PPP1R10: variants seen among roughly 807,000 people sequenced by gnomAD.
The protein encoded by PPP1R10 is protein phosphatase 1 regulatory subunit 10.
PPP1R10 carries 15 observed loss-of-function variants against 99.0 expected under a neutral mutation model. The ratio of observed to expected loss-of-function variants is 0.15; its 90% CI spans 0.10 to 0.23. The LOEUF is 0.23. Ranked by LOEUF, PPP1R10 falls within the 10% of genes least tolerant of loss-of-function variation. The pLI is 1.00. For synonymous variants in PPP1R10, 430 were observed against 449.5 expected, an observed-to-expected ratio of 0.96 and a Z score of 0.55; for missense variants, 947 against 1,259.4, an observed-to-expected ratio of 0.75 and a Z score of 3.75.
intron 17 of PPP1R10, 67 bp from the exon 18 acceptor site, chr6:30,603,026 G>A: frequency 1.4e-6 from 2 of 1,439,858 alleles, no homozygotes; most frequent in South Asian, 2.7e-5. Context: ...TCCCATTTAG[G>A]TGCAACCAAC....
chr6:30,603,704 A>G, intron 15 of PPP1R10, 38 bp from the exon 16 acceptor site: 2 of 1,558,684 alleles, frequency 1.3e-6, no homozygotes, highest in Non-Finnish European at 1.7e-6. Context: ...TTGACAGAAC[A>G]GAGACATTCT....
At position 30,609,770 on chromosome 6, in the gene PPP1R10, A is replaced by G; in HGVS notation, c.107+68T>C. On this transcript the variant is annotated intron_variant, in intron 3 of 19. Transcript: ENST00000376511. This position sits in a 1 kb window ranked among gnomAD's most constrained non-coding sequence, Gnocchi z 4.5. Reference sequence around the variant, plus strand: ...TCCAGGATCATTCCAGTGTGCCTCAACTGCAGCCATGTTTTAACACACAAT... The same window carrying G: ...TCCAGGATCATTCCAGTGTGCCTCAGCTGCAGCCATGTTTTAACACACAAT... 1 of 1,369,670 alleles carries G rather than the reference A, an allele frequency of 7.3e-7. No homozygotes were observed. Among genetic ancestry groups the G allele is most frequent in the South Asian group, 1.2e-5 (1 of 85,860 alleles). 84.8% of individuals were successfully genotyped at this position (1,369,670 alleles called of 1,614,324 possible).
chr6:30,601,824 A>G, intron 19 of PPP1R10, 112 bp downstream of exon 19: 1 of 1,373,856 alleles, frequency 7.3e-7, no homozygotes, highest in Non-Finnish European at 9.7e-7. Context: ...GACATCAAAG[A>G]GACGGGTACC....
In PPP1R10 at chr6:30,602,712, G is replaced by A. The variant is rs984153423; in HGVS notation, c.1958-21C>T. 1 of 1,603,502 alleles carries A rather than the reference G, an allele frequency of 6.2e-7. No homozygotes were observed. The highest frequency in any genetic ancestry group is 1.1e-5 in the South Asian group (1 of 89,754). On this transcript the variant is annotated intron_variant, in intron 18 of 19. Coordinates refer to ENST00000376511, the MANE Select transcript of PPP1R10 (RefSeq NM_002714.4). This position sits in a 1 kb window ranked among gnomAD's most constrained non-coding sequence, Gnocchi z 6.7. ...GGGACCTGTAAGGGGACAAAAAAGA[G>A]AGACAGTATCAGCTACCAGGAACTG...
In PPP1R10 at chr6:30,602,836, C is replaced by T. The variant is rs963703437; in HGVS notation, c.1957+10G>A. 3.2e-6 allele frequency: 5 copies of T among 1,552,278 alleles called. No individual in the cohort carries two copies. The highest frequency in any genetic ancestry group is 2.0e-5 in the Admixed American group (1 of 51,188). ...GATAAGCCCATTCCAACCTTTTACT[C>T]ACCACCTACCTGGCATAGGTCCCCC... On this transcript the variant is annotated intron_variant, in intron 18 of 19. Transcript: ENST00000376511. The surrounding 1 kb of genome is among the most constrained non-coding windows in gnomAD (Gnocchi z 6.7).
rs781146235 is a variant in PPP1R10, at chr6:30,609,817, C to G, written c.107+21G>C. The G allele has an allele frequency of 6.3e-7, 1 of 1,584,938 alleles. No individual in the cohort carries two copies. Among genetic ancestry groups the G allele is most frequent in the African/African-American group, 1.3e-5 (1 of 74,402 alleles). ...CAATATTCTCTACTCACAGTGAATA[C>G]AAAAAGGGGTAAAGACTCACCTGAA... On this transcript the variant is annotated intron_variant, in intron 3 of 19. Coordinates refer to ENST00000376511, the MANE Select transcript of PPP1R10 (RefSeq NM_002714.4). The surrounding 1 kb of genome is among the most constrained non-coding windows in gnomAD (Gnocchi z 4.5).
At position 30,603,519 on chromosome 6, in the gene PPP1R10, G is replaced by T; in HGVS notation, c.1720C>A (p.Pro574Thr). Residue 574 changes from proline (P) to threonine (T), a missense_variant, in exon 16 of 20, where the codon CCT becomes ACT. Transcript: ENST00000376511. Reference sequence around the variant, plus strand: ...TGGACATTAATGCCTCCTCCTCCAGGGCCTTGGGGGCCCTTTCCAGCACCC... The same window carrying T: ...TGGACATTAATGCCTCCTCCTCCAGTGCCTTGGGGGCCCTTTCCAGCACCC... ...SMGAGKGPQG[P>T]GGGGINVQEI... 1 of 1,613,300 alleles carries T rather than the reference G, an allele frequency of 6.2e-7. No homozygotes were observed. The highest frequency in any genetic ancestry group is 8.5e-7 in the Non-Finnish European group (1 of 1,179,710).
rs145677226 is a variant in PPP1R10, at chr6:30,606,229, T to C, written c.649A>G (p.Thr217Ala). The change falls in exon 9 of 20, where the codon ACA (threonine) becomes GCA (alanine). Residue 217 changes from threonine (T) to alanine (A), a missense_variant. By Grantham distance (58) the Thr-to-Ala change is moderately conservative (BLOSUM62 0). Around this residue, in one of 10 missense-constraint regions of PPP1R10, gnomAD observed 92 missense variants for 159.2 expected, o/e 0.58. Transcript: ENST00000376511. The surrounding 1 kb of genome is among the most constrained non-coding windows in gnomAD (Gnocchi z 6.3). ...TTCTTCACAGGCACCAAGGATGGTG[T>C]CTCCAGCTCTAGTCCTGGGGAAAGA... is the stretch of plus-strand genomic sequence containing the variant. ...KFRSTGLELE[T>A]PSLVPVKKNA... The C allele has an allele frequency of 2.9e-4, 460 of 1,614,014 alleles. 3 individuals are homozygous for C. The East Asian group carries it at 0.01, about 35-fold the overall frequency.
chr6:30,613,356 C>T (rs1804747506), intron 2 of PPP1R10, among the ~76,000 whole-genome samples: 1 of 152,092 alleles, frequency 6.6e-6, no homozygotes, highest in Non-Finnish European at 1.5e-5. Context: ...GAAAAAAGTC[C>T]CAAATTTACC....
At chr6:30,616,288 G>A (rs1288583788) in intron 2 of PPP1R10, among the ~76,000 whole-genome samples, 190 bp downstream of exon 2, 3 of 152,242 alleles carry the variant, frequency 2.0e-5, no homozygotes, top group Non-Finnish European at 4.4e-5. Context: ...GAGATAGGTG[G>A]TAGGGGAGAG....
chr6:30,601,687 C>T (rs1394862980), intron 19 of PPP1R10, 29 bp from the exon 20 acceptor site: 4 of 1,595,564 alleles, frequency 2.5e-6, no homozygotes, highest in Non-Finnish European at 3.4e-6. Flanking sequence ...AACAGTTAGA[C>T]AGGAAATAGC....
rs1369797476 is a variant in PPP1R10 at position 30,603,243 on chromosome 6, G to A, written c.1810C>T (p.Pro604Ser). 2.5e-6 allele frequency: 4 copies of A among 1,613,908 alleles called. No individual in the cohort carries two copies. Among genetic ancestry groups the A allele is most frequent in the South Asian group, 1.1e-5 (1 of 91,070 alleles). ...SHPSEELLKQ[P>S]DYSDKIKQML... ...TGCTTGATCTTGTCCGAATAGTCTG[G>A]TTGTTTCAGTAGTTCCTCTGAAGGA... is the stretch of plus-strand genomic sequence containing the variant. The change falls in exon 17 of 20, where the codon CCA (proline) becomes TCA (serine). Residue 604 changes from proline (P) to serine (S), a missense_variant. Physicochemically the swap from Pro to Ser is moderately conservative, Grantham distance 74 (BLOSUM62 -1). Transcript: ENST00000376511.
rs369789707 is a variant in PPP1R10 at position 30,605,168 on chromosome 6, G to A, written c.854-74C>T. 2.3e-3 allele frequency: 3,143 copies of A among 1,369,770 alleles called. 19 individuals are homozygous for A. The highest frequency in any genetic ancestry group is 0.013 in the Middle Eastern group (69 of 5,462). The allele number at this position is 1,369,770 out of a possible 1,614,324, so 84.9% of individuals were successfully genotyped here. A position where few individuals can be genotyped will look rare whatever the true frequency, so the allele number is the denominator to read the frequency against. ...TCCTACACCTGCAAACACAGTCCAG[G>A]CATAAAATGAGCCAGTGAAGACCCT... On this transcript the variant is annotated intron_variant, in intron 10 of 19. Coordinates refer to ENST00000376511, the MANE Select transcript of PPP1R10 (RefSeq NM_002714.4).
intron 5 of PPP1R10, among the ~76,000 whole-genome samples, chr6:30,608,458 T>C (rs1379026924): frequency 6.6e-6 from 1 of 152,030 alleles, no homozygotes; most frequent in Non-Finnish European, 1.5e-5. Context: ...CATGCCACCA[T>C]GCCTGGCTAA....
intron 14 of PPP1R10, 77 bp downstream of exon 14, chr6:30,603,931 G>A (rs941476527): frequency 6.6e-6 from 10 of 1,522,646 alleles, no homozygotes; most frequent in Admixed American, 2.2e-5. Flanking sequence ...CCTCCACCCC[G>A]TAATTACCCC....
rs1299419579 is a variant in PPP1R10 at position 30,601,271 on chromosome 6, G to A, written c.*278C>T. ...ATACTGGAAAGGGGTTTGGGGTACA[G>A]GGCGAATCTTCTCAAAAAGTGAAGC... On this transcript the variant is annotated 3_prime_UTR_variant, in exon 20 of 20. Transcript: ENST00000376511. 2.0e-6 allele frequency: 1 copy of A among 499,738 alleles called. No individual in the cohort carries two copies. The highest frequency in any genetic ancestry group is 3.6e-5 in the Admixed American group (1 of 27,886). 31.0% of individuals were successfully genotyped at this position (499,738 alleles called of 1,614,324 possible).
rs894526620 is a variant in PPP1R10, at chr6:30,606,152, G to T, written c.726C>A (p.Pro242=). ...VSDKYNLKPI[P]LKRQSNVAAP... ...ATGGTCCATACCTCTGACGTTTGAGGGGGATGGGTTTAAGGTTGTACTTGT... is the reference window on the plus strand; with the variant it reads ...ATGGTCCATACCTCTGACGTTTGAGTGGGATGGGTTTAAGGTTGTACTTGT... Residue 242 remains proline (P), a synonymous_variant, in exon 9 of 20, where the codon CCC becomes CCA. Transcript: ENST00000376511. This position sits in a 1 kb window ranked among gnomAD's most constrained non-coding sequence, Gnocchi z 6.3. 1.2e-6 allele frequency: 2 copies of T among 1,614,042 alleles called. No individual in the cohort carries two copies. The highest frequency in any genetic ancestry group is 1.7e-6 in the Non-Finnish European group (2 of 1,179,994).
intron 2 of PPP1R10, among the ~76,000 whole-genome samples, chr6:30,615,034 G>A (rs891787983): frequency 6.6e-6 from 1 of 152,148 alleles, no homozygotes; most frequent in African/African-American, 2.4e-5. Context: ...GAAGAAAGCT[G>A]ATTACATCAC....
In PPP1R10 at chr6:30,609,552, C is replaced by G. The variant is rs1001440459; in HGVS notation, c.107+286G>C. 1.2e-4 allele frequency among the ~76,000 whole-genome samples: 19 copies of G among 152,126 alleles called. No homozygotes were observed. Among genetic ancestry groups the G allele is most frequent in the Non-Finnish European group, 1.9e-4 (13 of 68,006 alleles). On this transcript the variant is annotated intron_variant, in intron 3 of 19. Transcript: ENST00000376511. This position sits in a 1 kb window ranked among gnomAD's most constrained non-coding sequence, Gnocchi z 4.5. ...AATAACATTATGGGTAGGTGGAACA[C>G]GAACCAAAACAATCTAGAATTCTGT... is the stretch of plus-strand genomic sequence containing the variant.
Sources: gnomAD v4.1 joint callset for allele counts (sites outside exome capture counted in the v4.1 genomes callset) on GRCh38, gnomAD v4.1.1 for gene constraint, gnomAD v4.1.1 regional missense constraint, Gnocchi (gnomAD v3.1) non-coding constraint, MANE v1.5 for transcripts, NCBI Gene and HGNC (gene_info 2026-07-23, HGNC 2026-07-21) for gene names.